The following TRAK1 variants were observed in gnomAD, a reference collection of about 807,000 sequenced individuals.
The protein encoded by TRAK1 is trafficking kinesin-binding protein 1.
In TRAK1, 33 loss-of-function variants were observed where a neutral mutation model predicts 92.1. The ratio of observed to expected loss-of-function variants is 0.36; its 90% CI spans 0.27 to 0.48. The LOEUF is 0.48. Ranked by LOEUF, TRAK1 falls within the 20% of genes least tolerant of loss-of-function variation. The pLI, the probability that TRAK1 is intolerant of heterozygous loss-of-function variation, is 0.99. For missense variants in TRAK1, 1,123 were observed against 1,257.9 expected (o/e 0.89, Z 1.62); for synonymous variants, 521 against 517.3 (o/e 1.01, Z -0.10).
chr3:42,117,203 T>C (rs1209435374), intron 1 of TRAK1, among the ~76,000 whole-genome samples: 1 of 152,124 alleles, frequency 6.6e-6, no homozygotes, highest in Non-Finnish European at 1.5e-5. Context: ...TGCAGCCACT[T>C]ACCTTTGTTC....
intron 1 of TRAK1, among the ~76,000 whole-genome samples, chr3:42,037,277 C>T (rs1464418337): frequency 1.3e-5 from 2 of 152,330 alleles, no homozygotes; most frequent in African/African-American, 2.4e-5. Flanking sequence ...TTTTATTGGA[C>T]AAATATACAC....
At chr3:42,147,236 C>G (rs1362107615) in intron 2 of TRAK1, among the ~76,000 whole-genome samples, 2 of 152,066 alleles carry the variant, frequency 1.3e-5, no homozygotes, top group Non-Finnish European at 1.5e-5. Flanking sequence ...AGTCACAAGT[C>G]CTAGAAAACT....
chr3:42,080,620 G>A (rs1704384976), intron 1 of TRAK1, among the ~76,000 whole-genome samples: 1 of 152,170 alleles, frequency 6.6e-6, no homozygotes, highest in South Asian at 2.1e-4. Context: ...CAGGGCAGTG[G>A]ATGCTTTGTT....
rs929062609 is a variant in TRAK1 at position 42,013,818 on chromosome 3, C to G, written c.-818C>G. 1.6e-4 allele frequency: 24 copies of G among 150,404 alleles called. 1 individual carries two copies. The highest frequency in any genetic ancestry group is 1.1e-3 in the Admixed American group (16 of 15,088). The allele number at this position is 150,404 out of a possible 1,614,324, so 9.3% of individuals were successfully genotyped here. On this transcript the variant is annotated 5_prime_UTR_variant, in exon 1 of 17. Coordinates refer to the TRAK1 transcript ENST00000487159. The surrounding 1 kb of genome is among the most constrained non-coding windows in gnomAD (Gnocchi z 5.1). The stretch of plus-strand genomic sequence containing the variant: ...GCGTCCCCCAGAGTGGGGCCGCGCG[C>G]GGGAGAGCCGGAGCGCAGCCTTAGC...
intron 2 of TRAK1, among the ~76,000 whole-genome samples, chr3:42,142,464 G>A (rs1698798687): frequency 6.6e-6 from 1 of 152,150 alleles, no homozygotes; most frequent in African/African-American, 2.4e-5. Context: ...GAGCCCTCTG[G>A]CCAATCCGTC....
chr3:42,143,331 TTCCATTAGCAAATAATCCTTGGA>T (rs2149227604), intron 2 of TRAK1, among the ~76,000 whole-genome samples: 1 of 145,136 alleles, frequency 6.9e-6, no homozygotes, highest in East Asian at 2.1e-4. Context: ...TTCTTTCAAA[TTCCATTAGCAAATAATCCTTGGA>T]TGCTTTTTCA....
rs140397463 is a variant in TRAK1 at position 42,065,705 on chromosome 3, C to G, written c.-518-21399C>G. Among the ~76,000 whole-genome samples the G allele has an allele frequency of 1.4e-3, 218 of 152,248 alleles. 1 individual carries two copies. The highest frequency in any genetic ancestry group is 5.1e-3 in the African/African-American group (212 of 41,552). Reference sequence around the variant, plus strand: ...AGTGCAGTAGTGCCATCATGACTCACTACAGCCTCGACCTCCTGGGCCCAA... The same window carrying G: ...AGTGCAGTAGTGCCATCATGACTCAGTACAGCCTCGACCTCCTGGGCCCAA... On this transcript the variant is annotated intron_variant, in intron 1 of 16. Transcript: ENST00000487159.
chr3:42,079,476 TC>T (rs1365934719), intron 1 of TRAK1, among the ~76,000 whole-genome samples: 20 of 142,058 alleles, frequency 1.4e-4, no homozygotes, highest in South Asian at 4.7e-4. Context: ...AGCTCCTTCT[TC>T]TTTTTTTTTT....
intron 1 of TRAK1, among the ~76,000 whole-genome samples, chr3:42,023,751 T>G (rs1056980976): frequency 1.5e-5 from 2 of 134,848 alleles, no homozygotes; most frequent in East Asian, 4.2e-4. Flanking sequence ...AGGGTTTTTT[T>G]TTTTTTTTTT....
chr3:42,016,361 C>A (rs1158633773), intron 1 of TRAK1, among the ~76,000 whole-genome samples: 1 of 152,166 alleles, frequency 6.6e-6, no homozygotes, highest in Non-Finnish European at 1.5e-5. Context: ...CCTGCCACCA[C>A]GCCCAGCTAA....
At chr3:42,071,788 C>G (rs959860787) in intron 1 of TRAK1, among the ~76,000 whole-genome samples, 1 of 151,756 alleles carries the variant, frequency 6.6e-6, no homozygotes, top group African/African-American at 2.4e-5. Flanking sequence ...AGTGATGACA[C>G]ATGCAATGTG....
rs925906638 is a variant in TRAK1 at position 42,023,397 on chromosome 3, GGCA to G, written c.-519+9282_-519+9284del. On this transcript the variant is annotated intron_variant, in intron 1 of 16. Transcript: ENST00000487159. Reference sequence around the variant, plus strand: ...TAGATGTTCCAAAGAGAAGGCCCATGGCAGGGTTGGGTGGCATTAGGAGTGGTG... The same window carrying G: ...TAGATGTTCCAAAGAGAAGGCCCATGGGGTTGGGTGGCATTAGGAGTGGTG... Among the ~76,000 whole-genome samples the G allele has an allele frequency of 7.2e-5, 11 of 152,048 alleles. 1 individual carries two copies. Among genetic ancestry groups the G allele is most frequent in the Admixed American group, 4.6e-4 (7 of 15,254 alleles).
rs758460432 is a variant in TRAK1, at chr3:42,177,720, C to T, written c.363+830C>T. Among the ~76,000 whole-genome samples the T allele has an allele frequency of 7.2e-5, 11 of 152,290 alleles. No homozygotes were observed. The East Asian group carries it at 7.7e-4, about 11-fold the overall frequency. On this transcript the variant is annotated intron_variant, in intron 3 of 15. Transcript: ENST00000327628. ...GCTCAGACAGAAACTGGGCCAGACT[C>T]GTTTCCCAGAGGTTTTTCTGGAGTG...
At chr3:42,128,650 G>A (rs1355096641) in intron 2 of TRAK1, among the ~76,000 whole-genome samples, 2 of 152,162 alleles carry the variant, frequency 1.3e-5, no homozygotes, top group African/African-American at 4.8e-5. Flanking sequence ...CTTTAGTTAT[G>A]AACATAGACA....
At chr3:42,072,600 C>T (rs534301781) in intron 1 of TRAK1, among the ~76,000 whole-genome samples, 4 of 148,484 alleles carry the variant, frequency 2.7e-5, no homozygotes, top group African/African-American at 7.4e-5. Context: ...GGGAGACAGG[C>T]GTGAGCTTAC....
rs1268729345 is a variant in TRAK1, at chr3:42,225,651, GTAAA to G, written c.*1923_*1926del. 9.2e-5 allele frequency: 14 copies of G among 152,202 alleles called. No individual in the cohort carries two copies. The highest frequency in any genetic ancestry group is 3.1e-4 in the African/African-American group (13 of 41,444). 9.4% of individuals were successfully genotyped at this position (152,202 alleles called of 1,614,324 possible). ...TTCAGAGGTTGCAATACTTAGTATA[GTAAA>G]TAAATAAACGGTCAACATTGTGCAA... is the stretch of plus-strand genomic sequence containing the variant. On this transcript the variant is annotated 3_prime_UTR_variant, in exon 16 of 16. Transcript: ENST00000327628.
chr3:42,221,071 C>CTTTT lies in TRAK1; in HGVS notation c.2066+1494_2066+1497dup, dbSNP rs369421571. On this transcript the variant is annotated intron_variant, in intron 15 of 15. Transcript: ENST00000327628. ...GGGAAGTCAGTAGCAAGAGAAGGCT[C>CTTTT]TTTTTTTTTTTTTTTTTTTTTTGGC... Among the ~76,000 whole-genome samples, 202 of 85,336 alleles carry CTTTT rather than the reference C, an allele frequency of 2.4e-3. 1 individual carries two copies. Among genetic ancestry groups the CTTTT allele is most frequent in the African/African-American group, 6.1e-3 (121 of 19,824 alleles). 56.0% of individuals were successfully genotyped at this position (85,336 alleles called of 152,430 possible). A position where few individuals can be genotyped will look rare whatever the true frequency, so the allele number is the denominator to read the frequency against.
chr3:42,193,110 G>A lies in TRAK1; in HGVS notation c.805G>A (p.Glu269Lys). The stretch of plus-strand genomic sequence containing the variant: ...TGTCCAGATTGCTAGTATCTCAGAG[G>A]AACTGGCCAAGAAGACGGAAGATGC... Reference protein sequence around the residue: ...ANVQIASISEELAKKTEDAAR... With the variant: ...ANVQIASISEKLAKKTEDAAR... The change falls in exon 8 of 16, where the codon GAA becomes AAA. Residue 269 changes from glutamate to lysine, a missense_variant. By Grantham distance (56) the Glu-to-Lys change is moderately conservative (BLOSUM62 1). Around this residue, in one of 3 missense-constraint regions of TRAK1, gnomAD observed 686 missense variants for 747.6 expected, o/e 0.92. Coordinates refer to ENST00000327628, the MANE Select transcript of TRAK1 (RefSeq NM_001042646.3). 6.2e-7 allele frequency: 1 copy of A among 1,614,154 alleles called. No individual in the cohort carries two copies. The highest frequency in any genetic ancestry group is 8.5e-7 in the Non-Finnish European group (1 of 1,180,014).
chr3:42,206,888 G>T (rs1473544068), intron 13 of TRAK1, among the ~76,000 whole-genome samples: 1 of 152,198 alleles, frequency 6.6e-6, no homozygotes, highest in Non-Finnish European at 1.5e-5. Context: ...TTGGGAGCGG[G>T]TGAGGAGAGG....
Sources: allele counts gnomAD v4.1 joint callset (sites outside exome capture counted in the v4.1 genomes callset), GRCh38; gene constraint gnomAD v4.1.1; regional missense constraint gnomAD v4.1.1; non-coding constraint Gnocchi (gnomAD v3.1); transcripts MANE v1.5; gene names NCBI Gene and HGNC (gene_info 2026-07-23, HGNC 2026-07-21).